Variants in EPS15L1 observed in about 807,000 individuals in gnomAD.
EPS15L1 encodes epidermal growth factor receptor pathway substrate 15 like 1, also known as epidermal growth factor receptor substrate 15-like 1.
A neutral mutation model predicts 117.1 loss-of-function variants in EPS15L1; 43 were observed. That is an observed-to-expected ratio of 0.37 (90% CI 0.29 to 0.47). The LOEUF is 0.47. Ranked by LOEUF, EPS15L1 falls within the 20% of genes least tolerant of loss-of-function variation. EPS15L1 has a pLI of 0.99. For synonymous variants in EPS15L1, 459 were observed against 470.5 expected (o/e 0.98, Z 0.32); for missense variants, 981 against 1,164.0 (o/e 0.84, Z 2.29).
chr19:16,435,955 T>C (rs919498060), intron 6 of EPS15L1, among the ~76,000 whole-genome samples: 4 of 152,172 alleles, frequency 2.6e-5, no homozygotes, highest in African/African-American at 9.7e-5. Context: ...ATAAGATCTC[T>C]TGGCACTGTT....
Position 16,371,145 on chromosome 19 carries a change from G to A in EPS15L1, c.2380+5977C>T, listed in dbSNP as rs1005223377. Among the ~76,000 whole-genome samples the A allele has an allele frequency of 1.8e-4, 27 of 152,226 alleles. No individual in the cohort carries two copies. Among genetic ancestry groups the A allele is most frequent in the African/African-American group, 6.5e-4 (27 of 41,460 alleles). ...AGTGGATCTTGTGCAATCAACAAAAGGTTTTGGGACCCACATGGGCACATG... is the reference window on the plus strand; with the variant it reads ...AGTGGATCTTGTGCAATCAACAAAAAGTTTTGGGACCCACATGGGCACATG... On this transcript the variant is annotated intron_variant, in intron 22 of 23. Coordinates refer to ENST00000455140, the MANE Select transcript of EPS15L1 (RefSeq NM_001258374.3). The surrounding 1 kb of genome is among the most constrained non-coding windows in gnomAD (Gnocchi z 4.7).
Position 16,437,879 on chromosome 19 carries a change from G to A in EPS15L1, c.214-14C>T. The A allele has an allele frequency of 6.2e-7, 1 of 1,603,776 alleles. No individual in the cohort carries two copies. Among genetic ancestry groups the A allele is most frequent in the South Asian group, 1.1e-5 (1 of 90,860 alleles). On this transcript the variant is annotated splice_polypyrimidine_tract_variant and intron_variant, in intron 4 of 23. Coordinates refer to ENST00000455140, the MANE Select transcript of EPS15L1 (RefSeq NM_001258374.3). ...AACATAGAAACCCTGCAAGTCCAAA[G>A]AAAGGGAAGGAGTAAACAGCATATC... is the stretch of plus-strand genomic sequence containing the variant.
At chr19:16,384,770 G>A (rs906333444) in intron 21 of EPS15L1, among the ~76,000 whole-genome samples, 1 of 152,196 alleles carries the variant, frequency 6.6e-6, no homozygotes, top group African/African-American at 2.4e-5. Flanking sequence ...TTCCCTGGAC[G>A]CCTCGCACCT....
intron 21 of EPS15L1, among the ~76,000 whole-genome samples, chr19:16,382,184 C>T (rs1011596086): frequency 6.6e-6 from 1 of 152,160 alleles, no homozygotes; most frequent in Non-Finnish European, 1.5e-5. Flanking sequence ...ACTCGCGAGG[C>T]GACAGGCTTT....
intron 16 of EPS15L1, among the ~76,000 whole-genome samples, chr19:16,398,557 G>C (rs2092564204): frequency 6.6e-6 from 1 of 152,202 alleles, no homozygotes; most frequent in South Asian, 2.1e-4. Flanking sequence ...ATGGAAGGAG[G>C]AATGTATTTG....
intron 1 of EPS15L1, among the ~76,000 whole-genome samples, chr19:16,458,445 C>T (rs73928604): frequency 6.6e-5 from 10 of 152,148 alleles, no homozygotes; most frequent in Non-Finnish European, 1.2e-4. Context: ...ATGGGAGGGC[C>T]GCCCCGCCCC....
In EPS15L1 at chr19:16,355,479, T is replaced by C. The variant is rs1202926704; in HGVS notation, c.*226A>G. ...GTCAGCCCCGGGGGGGATGGCACAG[T>C]GGAGAGACGGACCTGCAGAAGTGGT... On this transcript the variant is annotated 3_prime_UTR_variant, in exon 24 of 24. Coordinates refer to ENST00000455140, the MANE Select transcript of EPS15L1 (RefSeq NM_001258374.3). The C allele has an allele frequency of 3.3e-5, 18 of 543,594 alleles. No individual in the cohort carries two copies. The highest frequency in any genetic ancestry group is 5.5e-5 in the Non-Finnish European group (17 of 309,644). 33.7% of individuals were successfully genotyped at this position (543,594 alleles called of 1,614,324 possible). A position where few individuals can be genotyped will look rare whatever the true frequency, so the allele number is the denominator to read the frequency against.
At position 16,355,358 on chromosome 19, in the gene EPS15L1, T is replaced by C; in HGVS notation, c.*347A>G. 2 of 249,604 alleles carry C rather than the reference T, an allele frequency of 8.0e-6. No homozygotes were observed. The highest frequency in any genetic ancestry group is 1.5e-5 in the Non-Finnish European group (2 of 130,388). The allele number at this position is 249,604 out of a possible 1,614,324, so 15.5% of individuals were successfully genotyped here. On this transcript the variant is annotated 3_prime_UTR_variant, in exon 24 of 24. Transcript: ENST00000455140. ...GCGTGGGAGGGCGGGTGGGGATGTCTGCAGCTATGAGTAGGGAGGAGGCGG... is the reference window on the plus strand; with the variant it reads ...GCGTGGGAGGGCGGGTGGGGATGTCCGCAGCTATGAGTAGGGAGGAGGCGG...
chr19:16,470,521 C>T (rs1197296265), intron 1 of EPS15L1, among the ~76,000 whole-genome samples: 1 of 122,058 alleles, frequency 8.2e-6, no homozygotes, highest in Non-Finnish European at 1.6e-5. Context: ...CACCCCCTGA[C>T]TACATACTCT....
At chr19:16,419,903 G>A (rs1039800457) in intron 10 of EPS15L1, among the ~76,000 whole-genome samples, 1 of 152,188 alleles carries the variant, frequency 6.6e-6, no homozygotes, top group Non-Finnish European at 1.5e-5. Flanking sequence ...CAAGGAGTGT[G>A]GGCTCCAAGG....
chr19:16,470,310 T>G (rs924813270), intron 1 of EPS15L1, among the ~76,000 whole-genome samples: 2 of 151,496 alleles, frequency 1.3e-5, no homozygotes. Context: ...TCACTTGAAC[T>G]CGGGAGGCGG....
Position 16,355,359 on chromosome 19 carries a change from G to GCC in EPS15L1, c.*345_*346insGG. The GCC allele has an allele frequency of 3.9e-6, 1 of 254,504 alleles. No individual in the cohort carries two copies. Among genetic ancestry groups the GCC allele is most frequent in the Admixed American group, 5.3e-5 (1 of 18,862 alleles). The allele number at this position is 254,504 out of a possible 1,614,324, so 15.8% of individuals were successfully genotyped here. A position where few individuals can be genotyped will look rare whatever the true frequency, so the allele number is the denominator to read the frequency against. On this transcript the variant is annotated 3_prime_UTR_variant, in exon 24 of 24. Transcript: ENST00000455140. ...CGTGGGAGGGCGGGTGGGGATGTCT[G>GCC]CAGCTATGAGTAGGGAGGAGGCGGG... is the stretch of plus-strand genomic sequence containing the variant.
chr19:16,361,818 A>C lies in EPS15L1; in HGVS notation c.2547T>G (p.Pro849=), dbSNP rs148493117. ...DPFVPSSAAK[P]SKASASGFAD... Reference sequence around the variant, plus strand: ...CAAAGCCCGAGGCAGAGGCCTTAGAAGGTTTAGCTGCAGAGGAGGGGACAA... The same window carrying C: ...CAAAGCCCGAGGCAGAGGCCTTAGACGGTTTAGCTGCAGAGGAGGGGACAA... The change falls in exon 23 of 24, where the codon CCT becomes CCG. Residue 849 remains proline, a synonymous_variant. Coordinates refer to ENST00000455140, the MANE Select transcript of EPS15L1 (RefSeq NM_001258374.3). 1.0e-4 allele frequency: 163 copies of C among 1,614,016 alleles called. No individual in the cohort carries two copies. The Middle Eastern group carries it at 2.5e-3, about 25-fold the overall frequency.
chr19:16,410,248 C>T (rs568165664), intron 13 of EPS15L1, among the ~76,000 whole-genome samples: 2 of 152,106 alleles, frequency 1.3e-5, no homozygotes, highest in East Asian at 3.9e-4. Flanking sequence ...GGCTAATAAG[C>T]ACATGGAAAG....
intron 10 of EPS15L1, among the ~76,000 whole-genome samples, chr19:16,420,135 C>G (rs1057077824): frequency 2.6e-5 from 4 of 152,222 alleles, no homozygotes; most frequent in Non-Finnish European, 5.9e-5. Flanking sequence ...GCAGACACAT[C>G]TAGACTTCTT....
At chr19:16,445,465 G>A (rs2145097526) in intron 1 of EPS15L1, among the ~76,000 whole-genome samples, 1 of 152,334 alleles carries the variant, frequency 6.6e-6, no homozygotes, top group Middle Eastern at 3.4e-3. Flanking sequence ...GCAGAAGGGG[G>A]AAGAAAGAAG....
At chr19:16,408,800 G>C (rs530808014) in intron 13 of EPS15L1, among the ~76,000 whole-genome samples, 3 of 152,166 alleles carry the variant, frequency 2.0e-5, no homozygotes, top group African/African-American at 4.8e-5. Flanking sequence ...GTGATGTAGT[G>C]GCATGAGGAG....
chr19:16,372,792 G>T (rs963403395), intron 22 of EPS15L1, among the ~76,000 whole-genome samples: 6 of 152,212 alleles, frequency 3.9e-5, no homozygotes, highest in African/African-American at 1.4e-4. Flanking sequence ...TGGTCAGGCA[G>T]GAAAACTGAG....
intron 13 of EPS15L1, chr19:16,412,883 T>C: frequency 1.6e-6 from 1 of 608,704 alleles, no homozygotes; most frequent in Non-Finnish European, 3.1e-6. Flanking sequence ...TGGATGCCCA[T>C]CACCAAGCTG....
Sources: allele counts gnomAD v4.1 joint callset (sites outside exome capture counted in the v4.1 genomes callset), GRCh38; gene constraint gnomAD v4.1.1; non-coding constraint Gnocchi (gnomAD v3.1); transcripts MANE v1.5; gene names NCBI Gene and HGNC (gene_info 2026-07-23, HGNC 2026-07-21).